Variants in VWA5B1 observed in about 807,000 individuals in gnomAD.
VWA5B1 encodes the protein von Willebrand factor A domain containing 5B1.
VWA5B1 carries 115 observed loss-of-function variants against 118.2 expected under a neutral mutation model. That is an observed-to-expected ratio of 0.97 (90% confidence interval 0.84 to 1.14). The LOEUF is 1.14. Ranked by LOEUF, VWA5B1 falls within the 50% of genes most tolerant of loss-of-function variation. The probability of loss-of-function intolerance (pLI) is 0.00; values close to 1 mark genes in which losing one functional copy is unlikely to be tolerated. For synonymous variants in VWA5B1, 682 were observed against 658.4 expected, an observed-to-expected ratio of 1.04 and a Z score of -0.55; for missense variants, 1,596 against 1,603.8, an observed-to-expected ratio of 1.00 and a Z score of 0.08.
chr1:20,349,122 T>C, intron 18 of VWA5B1: 1 of 394,728 alleles, frequency 2.5e-6, no homozygotes, highest in South Asian at 1.8e-5. Flanking sequence ...TCACAGACAT[T>C]GATGGGTTTT....
rs539403919 is a variant in VWA5B1 at position 20,343,037 on chromosome 1, C to T, written c.2312-42C>T. The T allele has an allele frequency of 5.2e-5, 76 of 1,472,090 alleles. 1 individual carries two copies. The African/African-American group carries it at 8.8e-4, about 17-fold the overall frequency. 91.2% of individuals were successfully genotyped at this position (1,472,090 alleles called of 1,614,324 possible). On this transcript the variant is annotated intron_variant, in intron 15 of 21. Transcript: ENST00000289815. ...TGTCCCCTGGGAGTTGGCCGTCTGT[C>T]CCCCAGGTCAGCGCTTGGCCCACTT...
chr1:20,354,064 A>C lies in VWA5B1; in HGVS notation c.3449A>C (p.Glu1150Ala). The C allele has an allele frequency of 4.5e-6, 7 of 1,551,522 alleles. No individual in the cohort carries two copies. Among genetic ancestry groups the C allele is most frequent in the Non-Finnish European group, 6.1e-6 (7 of 1,146,972 alleles). ...ACGGTGGTGGGGCTGGCATGGCTGG[A>C]GCACAGTTCGGCCTCCTACTTCACT... ...WATVVGLAWL[E>A]HSSASYFTEW... Residue 1150 changes from glutamate to alanine, a missense_variant, in exon 22 of 22, where the codon GAG becomes GCG. By Grantham distance (107) the Glu-to-Ala change is moderately radical. Coordinates refer to ENST00000289815, the MANE Select transcript of VWA5B1 (RefSeq NM_001039500.3).
At chr1:20,350,504 T>C (rs761821418) in intron 19 of VWA5B1, among the ~76,000 whole-genome samples, 2 of 152,176 alleles carry the variant, frequency 1.3e-5, no homozygotes, top group Non-Finnish European at 1.5e-5. Context: ...TTTTTGCCAC[T>C]CCGCTCTGCC....
At chr1:20,330,552 C>T (rs1339205332) in intron 10 of VWA5B1, among the ~76,000 whole-genome samples, 170 bp downstream of exon 10, 1 of 152,204 alleles carries the variant, frequency 6.6e-6, no homozygotes, top group Admixed American at 6.5e-5. Flanking sequence ...ATCTTTTTCC[C>T]TCTCAAGTTC....
chr1:20,350,724 A>G, intron 19 of VWA5B1, 133 bp from the exon 20 acceptor site: 1 of 810,792 alleles, frequency 1.2e-6, no homozygotes, highest in Non-Finnish European at 2.1e-6. Context: ...CCACAGCCTA[A>G]TGGTTAGCTC....
At chr1:20,296,059 T>C (rs955909305) in intron 1 of VWA5B1, among the ~76,000 whole-genome samples, 2 of 152,088 alleles carry the variant, frequency 1.3e-5, no homozygotes, top group Non-Finnish European at 2.9e-5. Context: ...AACAGAATTT[T>C]CCCATGTTAG....
intron 4 of VWA5B1, among the ~76,000 whole-genome samples, chr1:20,317,209 A>G (rs1389184126): frequency 1.3e-5 from 2 of 150,756 alleles, no homozygotes; most frequent in African/African-American, 2.4e-5. Context: ...TTACCTCACC[A>G]CACTGAGCTT....
intron 8 of VWA5B1, among the ~76,000 whole-genome samples, chr1:20,324,370 C>T (rs2089313151): frequency 6.6e-6 from 1 of 152,082 alleles, no homozygotes; most frequent in South Asian, 2.1e-4. Flanking sequence ...TTTCACCTGC[C>T]CCCTGCCCCA....
At chr1:20,342,137 A>G (rs1005173544) in intron 14 of VWA5B1, among the ~76,000 whole-genome samples, 6 of 152,012 alleles carry the variant, frequency 3.9e-5, no homozygotes, top group African/African-American at 1.5e-4. Context: ...GGCAAAAAAA[A>G]AAAAAAAGTG....
intron 1 of VWA5B1, among the ~76,000 whole-genome samples, chr1:20,292,170 T>TC (rs890184099): frequency 2.0e-5 from 3 of 151,032 alleles, no homozygotes; most frequent in African/African-American, 7.3e-5. Flanking sequence ...CTTTCTTTCC[T>TC]CCCCCCCTCC....
In VWA5B1 at chr1:20,342,546, G is replaced by C; in HGVS notation, c.2248G>C (p.Glu750Gln). 1 of 1,544,642 alleles carries C rather than the reference G, an allele frequency of 6.5e-7. No individual in the cohort carries two copies. Among genetic ancestry groups the C allele is most frequent in the Non-Finnish European group, 8.7e-7 (1 of 1,144,350 alleles). The stretch of plus-strand genomic sequence containing the variant: ...CCAGCCCTTCCTGCCCTGGGGCCAG[G>C]AGACCCAGGCCTGGAGCCCTGTGAG... ...GCQPFLPWGQ[E>Q]TQAWSPVRER... Residue 750 changes from glutamate to glutamine, a missense_variant, in exon 15 of 22, where the codon GAG (glutamate) becomes CAG (glutamine). Transcript: ENST00000289815.
intron 14 of VWA5B1, chr1:20,338,618 C>T (rs1047609989): frequency 3.9e-5 from 6 of 155,110 alleles, no homozygotes; most frequent in Non-Finnish European, 7.1e-5. Flanking sequence ...CAACCTCTGC[C>T]TCCTGGGTTC....
intron 20 of VWA5B1, 47 bp from the exon 21 acceptor site, chr1:20,352,008 G>T: frequency 6.8e-7 from 1 of 1,465,912 alleles, no homozygotes; most frequent in Non-Finnish European, 9.3e-7. Flanking sequence ...TTCTGGGTGG[G>T]CACTGGAGGT....
intron 3 of VWA5B1, among the ~76,000 whole-genome samples, chr1:20,314,107 C>T (rs1264699240): frequency 6.6e-6 from 1 of 152,028 alleles, no homozygotes; most frequent in Non-Finnish European, 1.5e-5. Flanking sequence ...TTTTCCACTC[C>T]CAGCAAGGTA....
chr1:20,298,295 C>T (rs1570041269), intron 1 of VWA5B1, among the ~76,000 whole-genome samples: 1 of 152,054 alleles, frequency 6.6e-6, no homozygotes, highest in Non-Finnish European at 1.5e-5. Flanking sequence ...GCATGAGCCA[C>T]CCTGCCCAGT....
At chr1:20,319,636 A>G in intron 7 of VWA5B1, 130 bp downstream of exon 7, 1 of 1,363,118 alleles carries the variant, frequency 7.3e-7, no homozygotes, top group Non-Finnish European at 9.9e-7. Context: ...GGCAGACACC[A>G]GGCAAGAAGT....
At chr1:20,318,553 T>C (rs368845753) in intron 5 of VWA5B1, 37 bp from the exon 6 acceptor site, 218 of 1,547,138 alleles carry the variant, frequency 1.4e-4, no homozygotes, top group Non-Finnish European at 1.8e-4. Context: ...CCTGACCTCA[T>C]GAGCCTATAT....
chr1:20,331,797 A>G (rs1024671185), intron 11 of VWA5B1, among the ~76,000 whole-genome samples: 5 of 152,050 alleles, frequency 3.3e-5, no homozygotes, highest in African/African-American at 7.2e-5. Flanking sequence ...ACCTAACGGC[A>G]TTTCTTGCAG....
intron 1 of VWA5B1, among the ~76,000 whole-genome samples, chr1:20,305,760 G>A (rs142755187): frequency 6.6e-6 from 1 of 151,944 alleles, no homozygotes; most frequent in African/African-American, 2.4e-5. Flanking sequence ...TGGCACTTAT[G>A]GTAGGCAGGG....
Sources: allele counts gnomAD v4.1 joint callset (sites outside exome capture counted in the v4.1 genomes callset), GRCh38; gene constraint gnomAD v4.1.1; transcripts MANE v1.5; gene names NCBI Gene and HGNC (gene_info 2026-07-23, HGNC 2026-07-21).